METTL24: variants seen among roughly 807,000 people sequenced by gnomAD.
METTL24 encodes the protein probable methyltransferase-like protein 24.
METTL24 carries 29 observed loss-of-function variants against 32.7 expected under a neutral mutation model. That is an observed-to-expected ratio of 0.89 (90% confidence interval 0.66 to 1.21). The LOEUF is 1.21. METTL24 is among the 50% of genes most tolerant of loss of function. The pLI is 0.00. For missense variants in METTL24, 439 were observed against 468.1 expected (o/e 0.94, Z 0.57); for synonymous variants, 163 against 179.5 (o/e 0.91, Z 0.73).
intron 3 of METTL24, among the ~76,000 whole-genome samples, chr6:110,311,508 C>T: frequency 8.5e-6 from 1 of 118,140 alleles, no homozygotes. Context: ...GAGTCTTGCT[C>T]TGTCACCCAG....
At chr6:110,316,398 T>C (rs1771819964) in intron 2 of METTL24, among the ~76,000 whole-genome samples, 1 of 152,242 alleles carries the variant, frequency 6.6e-6, no homozygotes, top group South Asian at 2.1e-4. Context: ...AAATAAGTTC[T>C]GTGGCCAAGA....
At chr6:110,259,685 A>T (rs936123568) in intron 4 of METTL24, among the ~76,000 whole-genome samples, 3 of 152,114 alleles carry the variant, frequency 2.0e-5, no homozygotes, top group African/African-American at 2.4e-5. Flanking sequence ...GGGTCCCTGA[A>T]CCCCAAGTAG....
At chr6:110,265,878 CTTCCT>C in intron 4 of METTL24, among the ~76,000 whole-genome samples, 1 of 115,354 alleles carries the variant, frequency 8.7e-6, no homozygotes, top group South Asian at 3.0e-4. Flanking sequence ...CCTCCTCCTT[CTTCCT>C]CTTCCTCCTC....
At chr6:110,320,190 G>T (rs183035243) in intron 2 of METTL24, among the ~76,000 whole-genome samples, 79 of 152,312 alleles carry the variant, frequency 5.2e-4, no homozygotes, top group African/African-American at 1.8e-3. Context: ...ATGTTAAAAA[G>T]CAGCATAAGA....
chr6:110,312,721 G>C (rs1161766971), intron 3 of METTL24, among the ~76,000 whole-genome samples: 2 of 152,292 alleles, frequency 1.3e-5, no homozygotes, highest in African/African-American at 4.8e-5. Context: ...GAAGTGAAGA[G>C]AGGTTGTTTA....
At chr6:110,265,278 C>T (rs1029784953) in intron 4 of METTL24, among the ~76,000 whole-genome samples, 1 of 152,186 alleles carries the variant, frequency 6.6e-6, no homozygotes. Context: ...TCTAAATTAA[C>T]TTCTGATCAA....
At chr6:110,265,069 C>T (rs985464930) in intron 4 of METTL24, among the ~76,000 whole-genome samples, 2 of 150,052 alleles carry the variant, frequency 1.3e-5, no homozygotes, top group African/African-American at 4.9e-5. Flanking sequence ...CATGTATACA[C>T]ATGTAACAAA....
intron 4 of METTL24, chr6:110,253,993 C>T: frequency 1.5e-6 from 2 of 1,302,518 alleles, no homozygotes; most frequent in South Asian, 2.7e-5. Context: ...GAGCAGCTCC[C>T]CTTTGATCTC....
intron 3 of METTL24, among the ~76,000 whole-genome samples, chr6:110,303,033 C>T (rs888700133): frequency 4.6e-5 from 7 of 152,158 alleles, no homozygotes; most frequent in African/African-American, 1.7e-4. Context: ...TAGGGTGGGG[C>T]GTCGCTTCAC....
At chr6:110,253,789 A>G in intron 4 of METTL24, 1 of 973,662 alleles carries the variant, frequency 1.0e-6, no homozygotes, top group Non-Finnish European at 1.4e-6. Flanking sequence ...ACAAAATTGA[A>G]ATTATCCTAT....
At chr6:110,300,003 C>T (rs963700292) in intron 3 of METTL24, among the ~76,000 whole-genome samples, 2 of 152,136 alleles carry the variant, frequency 1.3e-5, no homozygotes, top group Non-Finnish European at 2.9e-5. Flanking sequence ...AGAGTAGCTA[C>T]ACTACTTGGC....
At chr6:110,350,700 A>C (rs1320958720) in intron 1 of METTL24, among the ~76,000 whole-genome samples, 1 of 151,558 alleles carries the variant, frequency 6.6e-6, no homozygotes, top group Non-Finnish European at 1.5e-5. Context: ...CCAAGGTGGG[A>C]GGATCACTTG....
At chr6:110,286,796 A>T (rs1257962214) in intron 4 of METTL24, among the ~76,000 whole-genome samples, 1 of 152,190 alleles carries the variant, frequency 6.6e-6, no homozygotes, top group African/African-American at 2.4e-5. Context: ...CCGAGTGGGC[A>T]CAATCAGCTG....
intron 3 of METTL24, among the ~76,000 whole-genome samples, chr6:110,311,687 T>C (rs1771726850): frequency 6.6e-6 from 1 of 152,060 alleles, no homozygotes; most frequent in South Asian, 2.1e-4. Flanking sequence ...TTGGCCAGGC[T>C]TGTCTCGAAC....
intron 1 of METTL24, among the ~76,000 whole-genome samples, chr6:110,326,883 C>T (rs190805548): frequency 2.9e-3 from 435 of 152,272 alleles, no homozygotes; most frequent in Non-Finnish European, 4.0e-3. Context: ...GGTCAGCCTC[C>T]CGGGGTGGAG....
intron 4 of METTL24, among the ~76,000 whole-genome samples, chr6:110,289,101 GAAGGTTACTGC>G (rs140275634): frequency 0.051 from 7,817 of 152,172 alleles, 551 homozygotes; most frequent in African/African-American, 0.16. Flanking sequence ...ACCAGGTCCT[GAAGGTTACTGC>G]AAAGTCACTA....
At position 110,255,678 on chromosome 6, in the gene METTL24, C is replaced by G. The variant is rs371953464; in HGVS notation, c.787-9418G>C. 3.9e-5 allele frequency among the ~76,000 whole-genome samples: 6 copies of G among 152,292 alleles called. No individual in the cohort carries two copies. The East Asian group carries it at 7.7e-4, about 20-fold the overall frequency. On this transcript the variant is annotated intron_variant, in intron 4 of 4. Coordinates refer to ENST00000338882, the MANE Select transcript of METTL24 (RefSeq NM_001123364.3). Reference sequence around the variant, plus strand: ...AACTCAATGCCTTAAAGTTACATTACCTGGTTAATTTATTTGCAAGTGTTC... The same window carrying G: ...AACTCAATGCCTTAAAGTTACATTAGCTGGTTAATTTATTTGCAAGTGTTC...
At chr6:110,274,518 G>C (rs1193203605) in intron 4 of METTL24, among the ~76,000 whole-genome samples, 1 of 152,112 alleles carries the variant, frequency 6.6e-6, no homozygotes, top group Non-Finnish European at 1.5e-5. Flanking sequence ...GAAAGGGTAG[G>C]AGGGTATAAG....
At chr6:110,262,544 G>A (rs899752668) in intron 4 of METTL24, among the ~76,000 whole-genome samples, 12 of 152,288 alleles carry the variant, frequency 7.9e-5, no homozygotes, top group African/African-American at 2.9e-4. Context: ...GAGGTACAAG[G>A]AGGAGCTATT....
Sources: gnomAD v4.1 joint callset for allele counts (sites outside exome capture counted in the v4.1 genomes callset) on GRCh38, gnomAD v4.1.1 for gene constraint, MANE v1.5 for transcripts, NCBI Gene and HGNC (gene_info 2026-07-23, HGNC 2026-07-21) for gene names.